The following MOBP variants were observed in gnomAD, a reference collection of about 807,000 sequenced individuals.
MOBP encodes the protein myelin-associated oligodendrocyte basic protein.
In MOBP, 5 loss-of-function variants were observed where a neutral mutation model predicts 15.0. The ratio of observed to expected loss-of-function variants is 0.33; its 90% CI spans 0.17 to 0.70. The LOEUF (loss-of-function observed/expected upper bound fraction) is 0.70, where lower values mean the gene tolerates loss of function less well. Among genes scored for constraint, MOBP ranks in the 30% least tolerant of loss-of-function variants. The pLI, the probability that MOBP is intolerant of heterozygous loss-of-function variation, is 0.67. For synonymous variants in MOBP, 88 were observed against 99.0 expected (o/e 0.89, Z 0.66); for missense variants, 188 against 257.8 (o/e 0.73, Z 1.85).
At chr3:39,500,534 C>T (rs1171474264) in intron 2 of MOBP, among the ~76,000 whole-genome samples, 1 of 151,856 alleles carries the variant, frequency 6.6e-6, no homozygotes. Context: ...GGAGAGAGAC[C>T]AAATATGAAG....
intron 1 of MOBP, among the ~76,000 whole-genome samples, chr3:39,472,177 T>G (rs2042480811): frequency 1.3e-5 from 2 of 152,242 alleles, no homozygotes; most frequent in South Asian, 4.1e-4. Context: ...TTCCTTTACT[T>G]TGAGAAGATT....
Position 39,470,723 on chromosome 3 carries a change from A to T in MOBP, c.-89+2983A>T, listed in dbSNP as rs548112841. ...ATGAGAGTAATTGAGTTCAATGTCA[A>T]ATTTAGTTTTTCCTCCTCTTTGTTA... is the stretch of plus-strand genomic sequence containing the variant. On this transcript the variant is annotated intron_variant, in intron 1 of 3. Coordinates refer to ENST00000684792, the MANE Select transcript of MOBP (RefSeq NM_001393704.1). Among the ~76,000 whole-genome samples, 36 of 152,332 alleles carry T rather than the reference A, an allele frequency of 2.4e-4. No homozygotes were observed. In the East Asian group the frequency reaches 6.7e-3, roughly 29 times the overall value.
rs76253516 is a variant in MOBP, at chr3:39,489,145, G to A, written c.-5+9022G>A. On this transcript the variant is annotated intron_variant, in intron 2 of 3. Transcript: ENST00000684792. ...TGTCTGTAACTGTTTCCTCCCTCAT[G>A]TATGGGTGGCTCCCACATATCTTTT... Among the ~76,000 whole-genome samples the A allele has an allele frequency of 1.4e-3, 207 of 152,254 alleles. 1 individual carries two copies. The highest frequency in any genetic ancestry group is 4.8e-3 in the African/African-American group (199 of 41,542).
At chr3:39,468,662 A>G (rs550106767) in intron 1 of MOBP, among the ~76,000 whole-genome samples, 18 of 151,208 alleles carry the variant, frequency 1.2e-4, no homozygotes, top group South Asian at 4.2e-4. Flanking sequence ...ATCCATACAT[A>G]TGGGTGTATA....
At chr3:39,477,147 G>C (rs919453089) in intron 1 of MOBP, among the ~76,000 whole-genome samples, 1 of 152,072 alleles carries the variant, frequency 6.6e-6, no homozygotes, top group Admixed American at 6.6e-5. Flanking sequence ...GTTCACCAAG[G>C]TCTCACAGTG....
chr3:39,517,225 A>G (rs1227557238), downstream of MOBP, among the ~76,000 whole-genome samples: 1 of 152,122 alleles, frequency 6.6e-6, no homozygotes, highest in Non-Finnish European at 1.5e-5. Context: ...GGGGAGTGAT[A>G]AAATAACTTC....
chr3:39,476,141 A>G (rs2042542702), intron 1 of MOBP, among the ~76,000 whole-genome samples: 1 of 149,654 alleles, frequency 6.7e-6, no homozygotes, highest in African/African-American at 2.5e-5. Context: ...GAGAGGGAGG[A>G]GGTGCTGCAC....
chr3:39,492,472 A>G (rs2042812542), intron 2 of MOBP, among the ~76,000 whole-genome samples: 1 of 152,198 alleles, frequency 6.6e-6, no homozygotes, highest in Non-Finnish European at 1.5e-5. Flanking sequence ...GCCACTATAA[A>G]TTTAGAGTTT....
chr3:39,505,550 C>G (rs138800279), downstream of MOBP, among the ~76,000 whole-genome samples: 74 of 152,246 alleles, frequency 4.9e-4, 1 homozygote, highest in South Asian at 7.7e-3. Context: ...GGGAGCAGTC[C>G]TTTATACATC....
At chr3:39,468,080 C>CT (rs534355934) in intron 1 of MOBP, among the ~76,000 whole-genome samples, 2,344 of 132,820 alleles carry the variant, frequency 0.018, 41 homozygotes, top group African/African-American at 0.059. Context: ...GCTGCTGCTG[C>CT]TTTTTTTTTT....
At chr3:39,506,419 G>C (rs764469010), downstream of MOBP, among the ~76,000 whole-genome samples, 1 of 152,144 alleles carries the variant, frequency 6.6e-6, no homozygotes, top group Non-Finnish European at 1.5e-5. Context: ...GGGAGGTGAA[G>C]GGGACACTGG....
downstream of MOBP, chr3:39,524,937 C>G (rs187163375): frequency 6.6e-6 from 1 of 152,060 alleles, no homozygotes; most frequent in Admixed American, 6.5e-5. Flanking sequence ...ACATGAAAAG[C>G]AAATAGTAGA....
downstream of MOBP, among the ~76,000 whole-genome samples, chr3:39,505,968 C>G (rs983241810): frequency 1.3e-5 from 2 of 152,170 alleles, no homozygotes; most frequent in Non-Finnish European, 2.9e-5. Context: ...CACCAGCCCC[C>G]ACACGTTCAT....
downstream of MOBP, among the ~76,000 whole-genome samples, chr3:39,517,168 T>G (rs1339697956): frequency 6.6e-6 from 1 of 152,196 alleles, no homozygotes. Context: ...GCATACTCAC[T>G]CTTTCTATTG....
intron 2 of MOBP, among the ~76,000 whole-genome samples, chr3:39,498,068 C>T (rs1214996358): frequency 2.6e-5 from 4 of 152,154 alleles, no homozygotes; most frequent in South Asian, 2.1e-4. Context: ...ACAAATAAAC[C>T]GTTAGGTGGA....
chr3:39,494,626 CAGTG>C (rs1319535625), intron 2 of MOBP, among the ~76,000 whole-genome samples: 1 of 151,998 alleles, frequency 6.6e-6, no homozygotes, highest in African/African-American at 2.4e-5. Context: ...CAGAGATACA[CAGTG>C]AGATAAATAG....
intron 2 of MOBP, among the ~76,000 whole-genome samples, chr3:39,494,782 G>GC (rs142834446): frequency 0.2 from 17,173 of 85,742 alleles, 1,905 homozygotes; most frequent in Middle Eastern, 0.35. Context: ...TATTTTCAAA[G>GC]CCCCCCCCCG....
At chr3:39,476,261 G>C (rs1241592734) in intron 1 of MOBP, among the ~76,000 whole-genome samples, 1 of 152,174 alleles carries the variant, frequency 6.6e-6, no homozygotes, top group African/African-American at 2.4e-5. Context: ...TCCCACCAGG[G>C]TCCATCTCCA....
At chr3:39,494,034 G>C (rs981508806) in intron 2 of MOBP, among the ~76,000 whole-genome samples, 1 of 152,162 alleles carries the variant, frequency 6.6e-6, no homozygotes, top group Admixed American at 6.5e-5. Context: ...ACCTTTCATT[G>C]ACTAGAATGT....
Sources: allele counts gnomAD v4.1 joint callset (sites outside exome capture counted in the v4.1 genomes callset), GRCh38; gene constraint gnomAD v4.1.1; transcripts MANE v1.5; gene names NCBI Gene and HGNC (gene_info 2026-07-23, HGNC 2026-07-21).